PIGK: variants seen among roughly 807,000 people sequenced by gnomAD.
The protein encoded by PIGK is GPI-anchor transamidase.
Under a neutral mutation model 50.6 loss-of-function variants are expected in PIGK, and 42 were observed. The observed-to-expected ratio is 0.83, with a 90% CI of 0.65 to 1.07. The LOEUF is 1.07. Among genes scored for constraint, PIGK ranks in the 50% least tolerant of loss-of-function variants. The pLI, the probability that PIGK is intolerant of heterozygous loss-of-function variation, is 0.00. For missense variants in PIGK, 448 were observed against 488.7 expected, an observed-to-expected ratio of 0.92 and a Z score of 0.78; for synonymous variants, 151 against 156.0, an observed-to-expected ratio of 0.97 and a Z score of 0.24.
chr1:77,173,757 T>C (rs1655418039), intron 3 of PIGK, among the ~76,000 whole-genome samples: 1 of 152,244 alleles, frequency 6.6e-6, no homozygotes, highest in Non-Finnish European at 1.5e-5. Context: ...TAGGACCCCA[T>C]AAGCTCACTA....
At chr1:77,094,693 A>G (rs538768064) in intron 10 of PIGK, among the ~76,000 whole-genome samples, 1 of 152,180 alleles carries the variant, frequency 6.6e-6, no homozygotes, top group Non-Finnish European at 1.5e-5. Context: ...TAAGACAACT[A>G]TGGAAAAAAT....
intron 9 of PIGK, among the ~76,000 whole-genome samples, chr1:77,123,666 T>C (rs1340898691): frequency 6.6e-6 from 1 of 151,874 alleles, no homozygotes; most frequent in Admixed American, 6.6e-5. Flanking sequence ...GTTTAACAGA[T>C]AGAGGTTCCG....
At chr1:77,124,406 C>G (rs1238467694) in intron 9 of PIGK, among the ~76,000 whole-genome samples, 1 of 152,020 alleles carries the variant, frequency 6.6e-6, no homozygotes, top group South Asian at 2.1e-4. Flanking sequence ...GTCAGGAATT[C>G]GAGACCAGCC....
intron 3 of PIGK, among the ~76,000 whole-genome samples, chr1:77,181,751 T>C (rs1000753399): frequency 6.6e-6 from 1 of 152,210 alleles, no homozygotes; most frequent in Non-Finnish European, 1.5e-5. Context: ...GGATACTCTG[T>C]AGATTACTGG....
chr1:77,097,392 T>C (rs537428390), intron 10 of PIGK, among the ~76,000 whole-genome samples: 2 of 152,168 alleles, frequency 1.3e-5, no homozygotes, highest in Non-Finnish European at 2.9e-5. Flanking sequence ...GTTTGGTTCC[T>C]CTTCCCTTTA....
intron 3 of PIGK, among the ~76,000 whole-genome samples, chr1:77,184,877 C>T (rs1344702961): frequency 6.6e-6 from 1 of 152,198 alleles, no homozygotes; most frequent in Non-Finnish European, 1.5e-5. Context: ...AACAGTATCA[C>T]ATCCTGGAGG....
intron 6 of PIGK, 76 bp downstream of exon 6, chr1:77,163,769 TA>T: frequency 1.3e-6 from 1 of 772,228 alleles, no homozygotes; most frequent in East Asian, 2.8e-5. Context: ...TCTTAAAAAA[TA>T]AAAATTACAA....
intron 10 of PIGK, among the ~76,000 whole-genome samples, chr1:77,115,361 C>A (rs1325725446): frequency 6.6e-6 from 1 of 151,828 alleles, no homozygotes; most frequent in African/African-American, 2.4e-5. Flanking sequence ...GCAAATAATT[C>A]AAATTACCTG....
chr1:77,133,267 C>G (rs1016165400), intron 9 of PIGK, among the ~76,000 whole-genome samples: 10 of 152,042 alleles, frequency 6.6e-5, no homozygotes, highest in African/African-American at 2.2e-4. Context: ...TCTTCTGTAT[C>G]CAATTTGCTG....
chr1:77,122,473 AT>A (rs1285984545), intron 9 of PIGK, 114 bp from the exon 10 acceptor site: 1 of 637,752 alleles, frequency 1.6e-6, no homozygotes, highest in Admixed American at 2.9e-5. Context: ...TTTTTTTGAA[AT>A]AATCAGTATT....
intron 10 of PIGK, among the ~76,000 whole-genome samples, chr1:77,097,333 C>T (rs1265130499): frequency 6.6e-6 from 1 of 152,142 alleles, no homozygotes; most frequent in African/African-American, 2.4e-5. Flanking sequence ...TAGAAACTAA[C>T]TCATCTAGCT....
chr1:77,185,014 A>G (rs1018969094), intron 3 of PIGK, among the ~76,000 whole-genome samples: 7 of 152,226 alleles, frequency 4.6e-5, no homozygotes, highest in Non-Finnish European at 7.3e-5. Context: ...GAATGACAGC[A>G]GATTATCATA....
chr1:77,096,495 C>T (rs548547634), intron 10 of PIGK, among the ~76,000 whole-genome samples: 101 of 152,280 alleles, frequency 6.6e-4, no homozygotes, highest in African/African-American at 2.3e-3. Flanking sequence ...CTTCTGCTCT[C>T]TCTCAGACCT....
At chr1:77,190,091 T>G (rs1233740403) in intron 3 of PIGK, among the ~76,000 whole-genome samples, 1 of 151,868 alleles carries the variant, frequency 6.6e-6, no homozygotes, top group East Asian at 1.9e-4. Flanking sequence ...GAACTGCCAT[T>G]TGAAAGCATT....
intron 3 of PIGK, among the ~76,000 whole-genome samples, chr1:77,189,694 CATATATATATATAT>C (rs71075728): frequency 0.014 from 1,024 of 70,890 alleles, 13 homozygotes; most frequent in Non-Finnish European, 0.02. Context: ...ACAATAAACT[CATATATATATATAT>C]ATATATATAT....
Position 77,091,360 on chromosome 1 carries a change from G to C in PIGK, c.*1014C>G. The C allele has an allele frequency of 6.6e-6, 1 of 152,212 alleles. No homozygotes were observed. The highest frequency in any genetic ancestry group is 3.2e-3 in the Middle Eastern group (1 of 316). 9.4% of individuals were successfully genotyped at this position (152,212 alleles called of 1,614,324 possible). A position where few individuals can be genotyped will look rare whatever the true frequency, so the allele number is the denominator to read the frequency against. The stretch of plus-strand genomic sequence containing the variant: ...ACTGCCTTATAGGATACATCAGCCA[G>C]ACATGAAGGCTAGGCCATAAGCATA... On this transcript the variant is annotated 3_prime_UTR_variant, in exon 11 of 11. Transcript: ENST00000370812.
At chr1:77,107,853 T>C (rs1310423850) in intron 10 of PIGK, among the ~76,000 whole-genome samples, 1 of 152,206 alleles carries the variant, frequency 6.6e-6, no homozygotes, top group African/African-American at 2.4e-5. Context: ...ATGGCCTTCT[T>C]TGTCTCTTTT....
At position 77,182,846 on chromosome 1, in the gene PIGK, G is replaced by C. The variant is rs145021667; in HGVS notation, c.240-13451C>G. 4.9e-4 allele frequency among the ~76,000 whole-genome samples: 74 copies of C among 152,284 alleles called. No homozygotes were observed. The East Asian group carries it at 0.011, about 22-fold the overall frequency. On this transcript the variant is annotated intron_variant, in intron 3 of 10. Coordinates refer to ENST00000370812, the MANE Select transcript of PIGK (RefSeq NM_005482.3). ...TTGACACACCTGATTCCCTGCTCAT[G>C]AGAGACAAGGAGTTTAGTAACTCTA... is the stretch of plus-strand genomic sequence containing the variant.
At chr1:77,158,141 C>T (rs1419034393) in intron 8 of PIGK, among the ~76,000 whole-genome samples, 2 of 152,078 alleles carry the variant, frequency 1.3e-5, no homozygotes, top group Non-Finnish European at 2.9e-5. Context: ...CTCAGCCTCC[C>T]GAGTAGCTGG....
Sources: gnomAD v4.1 joint callset for allele counts (sites outside exome capture counted in the v4.1 genomes callset) on GRCh38, gnomAD v4.1.1 for gene constraint, MANE v1.5 for transcripts, NCBI Gene and HGNC (gene_info 2026-07-23, HGNC 2026-07-21) for gene names.